STK32B: variants seen among roughly 807,000 people sequenced by gnomAD.
The protein encoded by STK32B is serine/threonine-protein kinase 32B.
Under a neutral mutation model 52.6 loss-of-function variants are expected in STK32B, and 43 were observed. The ratio of observed to expected loss-of-function variants is 0.82; its 90% confidence interval spans 0.64 to 1.05. STK32B has a LOEUF of 1.05. Among genes scored for constraint, STK32B ranks in the 50% least tolerant of loss-of-function variants. STK32B has a pLI of 0.00. For synonymous variants in STK32B, 238 were observed against 204.3 expected, an observed-to-expected ratio of 1.17 and a Z score of -1.41; for missense variants, 621 against 534.6, an observed-to-expected ratio of 1.16 and a Z score of -1.59.
At chr4:5,130,445 A>T (rs1053583130) in intron 1 of STK32B, among the ~76,000 whole-genome samples, 2 of 152,100 alleles carry the variant, frequency 1.3e-5, no homozygotes, top group Admixed American at 6.5e-5. Flanking sequence ...GAAGAATCCA[A>T]ACCGGGCTTG....
chr4:5,091,010 A>C (rs910305989), intron 1 of STK32B, among the ~76,000 whole-genome samples: 3 of 152,254 alleles, frequency 2.0e-5, no homozygotes, highest in South Asian at 4.1e-4. Context: ...ATTCAGGACC[A>C]TATAGTTTCA....
intron 3 of STK32B, among the ~76,000 whole-genome samples, chr4:5,266,030 A>C (rs1727034925): frequency 6.6e-6 from 1 of 152,212 alleles, no homozygotes; most frequent in Non-Finnish European, 1.5e-5. Context: ...GAAACTTTCT[A>C]GGTATTGGTT....
In STK32B at chr4:5,394,699, CTG is replaced by C. The variant is rs905312842; in HGVS notation, c.435-3503_435-3502del. Among the ~76,000 whole-genome samples the C allele has an allele frequency of 1.1e-4, 17 of 152,334 alleles. No homozygotes were observed. Among genetic ancestry groups the C allele is most frequent in the African/African-American group, 4.1e-4 (17 of 41,576 alleles). On this transcript the variant is annotated intron_variant, in intron 4 of 11. Coordinates refer to ENST00000282908, the MANE Select transcript of STK32B (RefSeq NM_018401.3). This position sits in a 1 kb window ranked among gnomAD's most constrained non-coding sequence, Gnocchi z 4.2. ...GCACTTCTTCCACACTGCACTGGGA[CTG>C]TGTGAAGTGCTGAACAAATGTCATC...
rs2109136567 is a variant in STK32B, at chr4:5,453,980, T to TTCCTGC, written c.667-2827_667-2826insTCCTGC. On this transcript the variant is annotated intron_variant, in intron 7 of 11. Coordinates refer to ENST00000282908, the MANE Select transcript of STK32B (RefSeq NM_018401.3). This position sits in a 1 kb window ranked among gnomAD's most constrained non-coding sequence, Gnocchi z 4.0. ...GTAGCCCTGAGCTCTGGGTCTCCTG[T>TTCCTGC]CCCTGCCCCTGTGGAAATTATAGAG... 6.6e-6 allele frequency among the ~76,000 whole-genome samples: 1 copy of TTCCTGC among 152,174 alleles called. No individual in the cohort carries two copies. Among genetic ancestry groups the TTCCTGC allele is most frequent in the South Asian group, 2.1e-4 (1 of 4,822 alleles).
At chr4:5,081,780 T>C (rs1457019878) in intron 1 of STK32B, among the ~76,000 whole-genome samples, 1 of 152,192 alleles carries the variant, frequency 6.6e-6, no homozygotes, top group South Asian at 2.1e-4. Flanking sequence ...TCATGTATTG[T>C]TTTCCTGACG....
intron 1 of STK32B, among the ~76,000 whole-genome samples, chr4:5,120,036 T>A (rs1443149205): frequency 1.3e-5 from 2 of 152,204 alleles, no homozygotes; most frequent in Non-Finnish European, 2.9e-5. Context: ...AATGAACAAT[T>A]TTTAAGTTTT....
At chr4:5,437,999 C>T in intron 6 of STK32B, 1 of 985,486 alleles carries the variant, frequency 1.0e-6, no homozygotes, top group Non-Finnish European at 1.2e-6. Flanking sequence ...CTTGTCTGAT[C>T]ATGACAGCCA....
intron 7 of STK32B, among the ~76,000 whole-genome samples, chr4:5,449,030 G>A (rs185655941): frequency 1.6e-4 from 25 of 152,162 alleles, no homozygotes; most frequent in Middle Eastern, 3.4e-3. Flanking sequence ...AGCTCCTTTC[G>A]TCCAAAAGAG....
chr4:5,374,234 A>AGTCATG (rs1381106004), intron 4 of STK32B, among the ~76,000 whole-genome samples: 1 of 152,208 alleles, frequency 6.6e-6, no homozygotes, highest in Non-Finnish European at 1.5e-5. Context: ...GAAGCCACTC[A>AGTCATG]GTCATGGTCA....
At chr4:5,493,916 T>C (rs554243509) in intron 11 of STK32B, among the ~76,000 whole-genome samples, 34 of 152,410 alleles carry the variant, frequency 2.2e-4, no homozygotes, top group African/African-American at 7.2e-4. Flanking sequence ...TCCTGAGTTC[T>C]AGTTTGATAG....
In STK32B at chr4:5,396,670, C is replaced by A. The variant is rs1428262494; in HGVS notation, c.435-1537C>A. ...TCTCCTCCCTGGTCCCCACACCACA[C>A]ATTAAATCATCTCAGTCCCGGTGAT... On this transcript the variant is annotated intron_variant, in intron 4 of 11. Transcript: ENST00000282908. The surrounding 1 kb of genome is among the most constrained non-coding windows in gnomAD (Gnocchi z 4.7). Among the ~76,000 whole-genome samples the A allele has an allele frequency of 6.6e-6, 1 of 152,214 alleles. No homozygotes were observed. The highest frequency in any genetic ancestry group is 1.5e-5 in the Non-Finnish European group (1 of 68,040).
rs554120652 is a variant in STK32B, at chr4:5,080,566, A to G, written c.52+28651A>G. Among the ~76,000 whole-genome samples the G allele has an allele frequency of 5.6e-4, 86 of 152,260 alleles. 1 individual carries two copies. The highest frequency in any genetic ancestry group is 2.0e-3 in the African/African-American group (85 of 41,562). On this transcript the variant is annotated intron_variant, in intron 1 of 11. Coordinates refer to ENST00000282908, the MANE Select transcript of STK32B (RefSeq NM_018401.3). ...ATTTCACCTTGCACCTAGCTAATAT[A>G]TGCTTTTCTTATTTATCTTAATTGT...
chr4:5,088,568 T>C (rs576552526), intron 1 of STK32B, among the ~76,000 whole-genome samples: 1 of 152,190 alleles, frequency 6.6e-6, no homozygotes, highest in East Asian at 1.9e-4. Flanking sequence ...ATGAGTGCAG[T>C]CAAAATAATT....
chr4:5,497,285 T>C (rs1167263061), intron 11 of STK32B, among the ~76,000 whole-genome samples: 4 of 152,184 alleles, frequency 2.6e-5, no homozygotes, highest in Non-Finnish European at 5.9e-5. Flanking sequence ...CAAAAGCCAA[T>C]TAAACACAAG....
chr4:5,289,890 C>T (rs1175342790), intron 3 of STK32B, among the ~76,000 whole-genome samples: 2 of 151,544 alleles, frequency 1.3e-5, no homozygotes, highest in Non-Finnish European at 2.9e-5. Context: ...TTCAGGGATA[C>T]GTGTGCAGGT....
At chr4:5,279,763 C>T (rs959084974) in intron 3 of STK32B, among the ~76,000 whole-genome samples, 3 of 152,218 alleles carry the variant, frequency 2.0e-5, no homozygotes, top group Non-Finnish European at 4.4e-5. Context: ...GTGTTTTGTG[C>T]ACTCGCTGTC....
At position 5,396,963 on chromosome 4, in the gene STK32B, G is replaced by A. The variant is rs1392233825; in HGVS notation, c.435-1244G>A. Among the ~76,000 whole-genome samples the A allele has an allele frequency of 2.6e-5, 4 of 152,172 alleles. No individual in the cohort carries two copies. Among genetic ancestry groups the A allele is most frequent in the African/African-American group, 9.7e-5 (4 of 41,430 alleles). Reference sequence around the variant, plus strand: ...TCACAGTGGAGGCTTTGTGACCTCGGCAGCAGGGGCCCACGTACTCAATGC... The same window carrying A: ...TCACAGTGGAGGCTTTGTGACCTCGACAGCAGGGGCCCACGTACTCAATGC... On this transcript the variant is annotated intron_variant, in intron 4 of 11. Coordinates refer to ENST00000282908, the MANE Select transcript of STK32B (RefSeq NM_018401.3). The surrounding 1 kb of genome is among the most constrained non-coding windows in gnomAD (Gnocchi z 4.7).
At chr4:5,322,048 G>T (rs1252216492) in intron 3 of STK32B, among the ~76,000 whole-genome samples, 2 of 148,996 alleles carry the variant, frequency 1.3e-5, no homozygotes, top group African/African-American at 5.0e-5. Flanking sequence ...TGGGGGGTTG[G>T]GCTGGCTGAA....
intron 11 of STK32B, among the ~76,000 whole-genome samples, chr4:5,495,457 T>G (rs888917500): frequency 6.6e-6 from 1 of 152,220 alleles, no homozygotes; most frequent in Non-Finnish European, 1.5e-5. Context: ...CTCTATTGGT[T>G]ATTCTAGTTA....
Sources: gnomAD v4.1 joint callset for allele counts (sites outside exome capture counted in the v4.1 genomes callset) on GRCh38, gnomAD v4.1.1 for gene constraint, Gnocchi (gnomAD v3.1) non-coding constraint, MANE v1.5 for transcripts, NCBI Gene and HGNC (gene_info 2026-07-23, HGNC 2026-07-21) for gene names.